Variants in JMY observed in about 807,000 individuals in gnomAD.
JMY encodes junction-mediating and -regulatory protein.
Under a neutral mutation model 103.3 loss-of-function variants are expected in JMY, and 46 were observed. That is an observed-to-expected ratio of 0.45 (90% CI 0.35 to 0.57). The LOEUF is 0.57. Ranked by LOEUF, JMY falls within the 20% of genes least tolerant of loss-of-function variation. JMY has a pLI of 0.00. For missense variants in JMY, 1,238 were observed against 1,255.2 expected (o/e 0.99, Z 0.21); for synonymous variants, 526 against 489.3 (o/e 1.07, Z -0.99).
intron 10 of JMY, among the ~76,000 whole-genome samples, chr5:79,318,163 G>A (rs2131978): frequency 0.53 from 79,206 of 149,658 alleles, 21,580 homozygotes; most frequent in Non-Finnish European, 0.62. Context: ...CATGATGCCC[G>A]GCTCTTTTTT....
intron 1 of JMY, among the ~76,000 whole-genome samples, chr5:79,266,555 A>G (rs1745592479): frequency 6.6e-6 from 1 of 152,232 alleles, no homozygotes; most frequent in African/African-American, 2.4e-5. Context: ...TGCAATATCC[A>G]TCACCTCAAC....
intron 1 of JMY, among the ~76,000 whole-genome samples, chr5:79,272,638 T>A (rs773729795): frequency 2.6e-5 from 4 of 152,210 alleles, no homozygotes; most frequent in Non-Finnish European, 5.9e-5. Context: ...TTGTACCACT[T>A]CATCTCTTTT....
chr5:79,250,708 C>T (rs1745060735), intron 1 of JMY, among the ~76,000 whole-genome samples: 1 of 145,626 alleles, frequency 6.9e-6, no homozygotes, highest in Admixed American at 7.0e-5. Context: ...TTTTAACAGC[C>T]TCTCACACTT....
intron 5 of JMY, 82 bp from the exon 6 acceptor site, chr5:79,300,594 C>A: frequency 9.0e-7 from 1 of 1,110,756 alleles, no homozygotes; most frequent in Non-Finnish European, 1.3e-6. Context: ...GTTGCAGAGC[C>A]AGTAATGAGA....
Position 79,314,441 on chromosome 5 carries a change from C to A in JMY, c.2249C>A (p.Thr750Lys). The change falls in exon 9 of 11, where the codon ACA becomes AAA. Residue 750 changes from threonine to lysine, a missense_variant. Thr to Lys is a moderately conservative substitution (Grantham distance 78, BLOSUM62 -1). Coordinates refer to ENST00000396137, the MANE Select transcript of JMY (RefSeq NM_152405.5). ...GRVKRGPSQT[T>K]EPQSLVQLED... ...GTCAAGCGTGGGCCATCACAGACAA[C>A]AGAACCCCAGAGCCTTGTGCAACTT... is the stretch of plus-strand genomic sequence containing the variant. 6.2e-7 allele frequency: 1 copy of A among 1,614,144 alleles called. No individual in the cohort carries two copies. Among genetic ancestry groups the A allele is most frequent in the Non-Finnish European group, 8.5e-7 (1 of 1,180,024 alleles).
rs200883028 is a variant in JMY, at chr5:79,237,427, C to A, written c.777C>A (p.Phe259Leu). 1.9e-5 allele frequency: 31 copies of A among 1,613,784 alleles called. No homozygotes were observed. The African/African-American group carries it at 4.1e-4, about 22-fold the overall frequency. The change falls in exon 1 of 11, where the codon TTC (phenylalanine) becomes TTA (leucine). Residue 259 changes from phenylalanine to leucine, a missense_variant. Coordinates refer to ENST00000396137, the MANE Select transcript of JMY (RefSeq NM_152405.5). ...NSQLEPCLPVFPEEPSGMWTV... is the reference protein window; with the variant it reads ...NSQLEPCLPVLPEEPSGMWTV... ...AGTTGGAGCCGTGCCTGCCGGTGTT[C>A]CCCGAGGAACCTTCGGGCATGTGGA...
At chr5:79,238,854 G>C (rs988789883) in intron 1 of JMY, among the ~76,000 whole-genome samples, 2 of 151,986 alleles carry the variant, frequency 1.3e-5, no homozygotes, top group East Asian at 1.9e-4. Flanking sequence ...TAGTAGAGAC[G>C]GGGTTTCACC....
chr5:79,289,145 G>A (rs2112096677), intron 2 of JMY, among the ~76,000 whole-genome samples: 1 of 149,240 alleles, frequency 6.7e-6, no homozygotes, highest in East Asian at 2.0e-4. Context: ...TGAGGCAGGA[G>A]AATCACTTGA....
At chr5:79,320,642 A>G (rs993563049) in intron 10 of JMY, among the ~76,000 whole-genome samples, 1 of 152,164 alleles carries the variant, frequency 6.6e-6, no homozygotes, top group Admixed American at 6.5e-5. Flanking sequence ...AACTATAGCA[A>G]TGTAGTTCAA....
chr5:79,284,048 C>CT, intron 2 of JMY: 1 of 822,384 alleles, frequency 1.2e-6, no homozygotes, highest in South Asian at 2.0e-5. Context: ...GTACAAATTA[C>CT]TTTCTTTTTT....
At position 79,325,950 on chromosome 5, in the gene JMY, TAA is replaced by T. The variant is rs1304877572; in HGVS notation, c.*4350_*4351del. The T allele has an allele frequency of 2.0e-5, 3 of 152,158 alleles. No homozygotes were observed. The highest frequency in any genetic ancestry group is 7.2e-5 in the African/African-American group (3 of 41,456). 9.4% of individuals were successfully genotyped at this position (152,158 alleles called of 1,614,324 possible). On this transcript the variant is annotated 3_prime_UTR_variant, in exon 11 of 11. Coordinates refer to ENST00000396137, the MANE Select transcript of JMY (RefSeq NM_152405.5). ...GGTTATTCTTAAGATGTGTTTATTG[TAA>T]AGTTTTCTACGTTTTGCCCACAGTA...
chr5:79,267,681 C>T (rs1009129090), intron 1 of JMY, among the ~76,000 whole-genome samples: 1 of 152,218 alleles, frequency 6.6e-6, no homozygotes, highest in African/African-American at 2.4e-5. Flanking sequence ...TCACAAAGTG[C>T]TGGGATTACA....
At chr5:79,241,485 C>T (rs1744739670) in intron 1 of JMY, among the ~76,000 whole-genome samples, 1 of 152,080 alleles carries the variant, frequency 6.6e-6, no homozygotes, top group Non-Finnish European at 1.5e-5. Context: ...TCTTTTAGTA[C>T]TTCAAAGGAA....
At chr5:79,264,713 C>G (rs1745532845) in intron 1 of JMY, among the ~76,000 whole-genome samples, 1 of 152,154 alleles carries the variant, frequency 6.6e-6, no homozygotes, top group South Asian at 2.1e-4. Flanking sequence ...CTGTGCCTGC[C>G]TTCTAACGCT....
At chr5:79,306,984 A>C (rs1229665487) in intron 7 of JMY, among the ~76,000 whole-genome samples, 1 of 152,152 alleles carries the variant, frequency 6.6e-6, no homozygotes, top group Non-Finnish European at 1.5e-5. Flanking sequence ...TTTTGCCTTT[A>C]CCAATGTATA....
chr5:79,303,649 A>C (rs962917521), intron 6 of JMY, among the ~76,000 whole-genome samples: 2 of 152,170 alleles, frequency 1.3e-5, no homozygotes, highest in African/African-American at 2.4e-5. Flanking sequence ...ACGGGATCAA[A>C]GAGAAAGGGT....
intron 1 of JMY, among the ~76,000 whole-genome samples, chr5:79,271,723 A>G (rs1454977346): frequency 2.0e-5 from 3 of 152,164 alleles, no homozygotes; most frequent in African/African-American, 7.2e-5. Flanking sequence ...AATTCTTTCC[A>G]TTATAACTTA....
intron 7 of JMY, 36 bp from the exon 8 acceptor site, chr5:79,312,367 C>G: frequency 1.2e-5 from 15 of 1,236,208 alleles, no homozygotes; most frequent in Non-Finnish European, 1.7e-5. Context: ...AAAATTGGGA[C>G]ACAGCATAAT....
intron 1 of JMY, among the ~76,000 whole-genome samples, chr5:79,270,191 A>G (rs1745703366): frequency 6.6e-6 from 1 of 151,602 alleles, no homozygotes; most frequent in African/African-American, 2.4e-5. Context: ...TATGTTAAAT[A>G]GGAGTAGTAA....
Sources: gnomAD v4.1 joint callset for allele counts (sites outside exome capture counted in the v4.1 genomes callset) on GRCh38, gnomAD v4.1.1 for gene constraint, MANE v1.5 for transcripts, NCBI Gene and HGNC (gene_info 2026-07-23, HGNC 2026-07-21) for gene names.